Variants in WDR31 observed in about 807,000 individuals in gnomAD.
The protein encoded by WDR31 is WD repeat-containing protein 31.
A neutral mutation model predicts 47.3 loss-of-function variants in WDR31; 30 were observed. That is an observed-to-expected ratio of 0.63 (90% confidence interval 0.47 to 0.86). The LOEUF (loss-of-function observed/expected upper bound fraction) is 0.86. Ranked by LOEUF, WDR31 falls within the 40% of genes least tolerant of loss-of-function variation. WDR31 has a pLI of 0.00. For synonymous variants in WDR31, 137 were observed against 159.4 expected (o/e 0.86, Z 1.06); for missense variants, 406 against 442.9 (o/e 0.92, Z 0.75).
In WDR31 at chr9:113,316,639, C is replaced by G. The variant is rs1833207016; in HGVS notation, c.*110G>C. The G allele has an allele frequency of 2.2e-6, 3 of 1,343,002 alleles. No individual in the cohort carries two copies. The East Asian group carries it at 6.9e-5, about 31-fold the overall frequency. The allele number at this position is 1,343,002 out of a possible 1,614,324, so 83.2% of individuals were successfully genotyped here. A position where few individuals can be genotyped will look rare whatever the true frequency, so the allele number is the denominator to read the frequency against. On this transcript the variant is annotated 3_prime_UTR_variant, in exon 11 of 11. Coordinates refer to ENST00000374193, the MANE Select transcript of WDR31 (RefSeq NM_001012361.4). Reference sequence around the variant, plus strand: ...GATACATCTTGTAAATGAACCTAAGCAAAGAATACCAGCCCTACATCCCAC... The same window carrying G: ...GATACATCTTGTAAATGAACCTAAGGAAAGAATACCAGCCCTACATCCCAC...
chr9:113,323,062 G>T lies in WDR31; in HGVS notation c.418C>A (p.Gln140Lys). ...ACCATGGCATGGCCACACAATTGCT[G>T]CCTTGGTTGTGAGGAACCGTGCAAG... is the stretch of plus-strand genomic sequence containing the variant. ...WDLHGSSQPR[Q>K]QLCGHAMVVT... is the part of the protein sequence containing the mutation. The change falls in exon 6 of 11, where the codon CAG (glutamine) becomes AAG (lysine). Residue 140 changes from glutamine (Q) to lysine (K), a missense_variant. Transcript: ENST00000374193. 6.2e-7 allele frequency: 1 copy of T among 1,614,208 alleles called. No individual in the cohort carries two copies. Among genetic ancestry groups the T allele is most frequent in the Non-Finnish European group, 8.5e-7 (1 of 1,180,040 alleles).
intron 5 of WDR31, among the ~76,000 whole-genome samples, chr9:113,325,612 A>G (rs1833443597): frequency 6.6e-6 from 1 of 151,284 alleles, no homozygotes; most frequent in African/African-American, 2.4e-5. Context: ...CCTGTAAGGA[A>G]AATTTTTTTT....
At chr9:113,317,103 A>G (rs528534527) in intron 10 of WDR31, among the ~76,000 whole-genome samples, 194 bp from the exon 11 acceptor site, 5 of 152,382 alleles carry the variant, frequency 3.3e-5, no homozygotes, top group African/African-American at 1.2e-4. Context: ...TCAATGGTAG[A>G]GAATGGCACA....
intron 8 of WDR31, 145 bp from the exon 9 acceptor site, chr9:113,320,643 T>A (rs1773670077): frequency 1.1e-5 from 11 of 1,023,220 alleles, no homozygotes; most frequent in Non-Finnish European, 1.4e-5. Flanking sequence ...AACGGCAGCA[T>A]GAACCAGATC....
chr9:113,320,245 A>C, intron 9 of WDR31, 112 bp downstream of exon 9: 1 of 1,360,220 alleles, frequency 7.4e-7, no homozygotes, highest in Non-Finnish European at 1.0e-6. Flanking sequence ...CTTTTGAAAG[A>C]GGCCTGAGCC....
Position 113,318,833 on chromosome 9 carries a change from T to C in WDR31, c.781-196A>G, listed in dbSNP as rs1833267349. On this transcript the variant is annotated intron_variant, in intron 9 of 10. Transcript: ENST00000374193. ...AATGACCCATCCATCCAGTGATTAT[T>C]TTAAGCCTCAACTATGTCTCAAACA... Among the ~76,000 whole-genome samples, 3 of 152,202 alleles carry C rather than the reference T, an allele frequency of 2.0e-5. No individual in the cohort carries two copies. In the South Asian group the frequency reaches 6.2e-4, roughly 32 times the overall value.
chr9:113,324,828 ATGTGTGTGTGTGTGTGTGTGTGTGTG>A (rs57088850), intron 5 of WDR31, among the ~76,000 whole-genome samples: 16 of 138,108 alleles, frequency 1.2e-4, no homozygotes, highest in East Asian at 6.7e-4. Flanking sequence ...ATATATATAT[ATGTGTGTGTGTGTGTGTGTGTGTGTG>A]TGTGTGTGTG....
At chr9:113,325,752 A>C (rs1303717851) in intron 5 of WDR31, among the ~76,000 whole-genome samples, 1 of 152,036 alleles carries the variant, frequency 6.6e-6, no homozygotes, top group Admixed American at 6.5e-5. Flanking sequence ...TTTTAAAAGA[A>C]TTAAAACAAT....
chr9:113,329,038 C>T (rs905474410), intron 4 of WDR31, 83 bp from the exon 5 acceptor site: 6 of 1,274,984 alleles, frequency 4.7e-6, no homozygotes, highest in Non-Finnish European at 6.9e-6. Context: ...ACCTTACTTT[C>T]TCCCTCCTCA....
At position 113,335,783 on chromosome 9, in the gene WDR31, C is replaced by A. The variant is rs184800454; in HGVS notation, c.-29+505G>T. ...TTATGTGTCCTTGAGTAGCTCCATT[C>A]CCCACTCTGGCCTCAGCCTCCCCAG... On this transcript the variant is annotated intron_variant, in intron 2 of 10. Transcript: ENST00000374193. Among the ~76,000 whole-genome samples the A allele has an allele frequency of 1.2e-4, 18 of 152,298 alleles. No homozygotes were observed. In the East Asian group the frequency reaches 3.5e-3, roughly 29 times the overall value.
chr9:113,324,026 TTTC>T (rs1833393563), intron 5 of WDR31, among the ~76,000 whole-genome samples: 3 of 147,296 alleles, frequency 2.0e-5, no homozygotes, highest in African/African-American at 4.8e-5. Flanking sequence ...TTCCATCGTG[TTTC>T]TTTTTTTTTG....
At chr9:113,332,483 C>T (rs186991128) in intron 2 of WDR31, among the ~76,000 whole-genome samples, 46 of 152,274 alleles carry the variant, frequency 3.0e-4, no homozygotes, top group African/African-American at 1.1e-3. Flanking sequence ...ATGAAGTACT[C>T]GTACATACTA....
At chr9:113,336,006 T>A (rs1168793457) in intron 2 of WDR31, among the ~76,000 whole-genome samples, 1 of 152,242 alleles carries the variant, frequency 6.6e-6, no homozygotes, top group East Asian at 1.9e-4. Flanking sequence ...CAAGATGTGC[T>A]GAGAGGCAAA....
chr9:113,331,831 G>A, intron 3 of WDR31, 76 bp downstream of exon 3: 1 of 1,368,854 alleles, frequency 7.3e-7, no homozygotes, highest in Admixed American at 1.8e-5. Flanking sequence ...CATTCGCCCT[G>A]GGCCTTCTCT....
chr9:113,336,358 T>C lies in WDR31; in HGVS notation c.-99A>G, dbSNP rs963973742. On this transcript the variant is annotated 5_prime_UTR_variant, in exon 2 of 11. Coordinates refer to ENST00000374193, the MANE Select transcript of WDR31 (RefSeq NM_001012361.4). Reference sequence around the variant, plus strand: ...TTTGTAATGTGTATCCTTTGGAAAATAGTTCAGGCAGCCACTTCTTAATCT... The same window carrying C: ...TTTGTAATGTGTATCCTTTGGAAAACAGTTCAGGCAGCCACTTCTTAATCT... The C allele has an allele frequency of 3.3e-5, 5 of 152,186 alleles. No homozygotes were observed. The highest frequency in any genetic ancestry group is 6.5e-5 in the Admixed American group (1 of 15,272). 9.4% of individuals were successfully genotyped at this position (152,186 alleles called of 1,614,324 possible). A position where few individuals can be genotyped will look rare whatever the true frequency, so the allele number is the denominator to read the frequency against.
At position 113,314,208 on chromosome 9, in the gene WDR31, ATTTT is replaced by A. The variant is rs1370638482; in HGVS notation, c.*2537_*2540del. ...TCAAGGAATGGTAAACGTTTATTTT[ATTTT>A]ATTTTATTTTATTTTATTTTGAGAT... is the stretch of plus-strand genomic sequence containing the variant. On this transcript the variant is annotated 3_prime_UTR_variant, in exon 11 of 11. Coordinates refer to ENST00000374193, the MANE Select transcript of WDR31 (RefSeq NM_001012361.4). The A allele has an allele frequency of 7.1e-6, 1 of 139,862 alleles. No individual in the cohort carries two copies. The highest frequency in any genetic ancestry group is 1.5e-5 in the Non-Finnish European group (1 of 65,248). 8.7% of individuals were successfully genotyped at this position (139,862 alleles called of 1,614,324 possible).
intron 5 of WDR31, among the ~76,000 whole-genome samples, chr9:113,324,205 A>G (rs1287149145): frequency 6.6e-6 from 1 of 151,312 alleles, no homozygotes; most frequent in Non-Finnish European, 1.5e-5. Flanking sequence ...ATTACTCTCC[A>G]TTTTCCTCTC....
intron 9 of WDR31, 79 bp from the exon 10 acceptor site, chr9:113,318,716 T>C: frequency 6.7e-7 from 1 of 1,490,346 alleles, no homozygotes. Flanking sequence ...CCTACCCCCA[T>C]GATGCACCTA....
intron 9 of WDR31, 109 bp downstream of exon 9, chr9:113,320,248 C>G: frequency 7.1e-7 from 1 of 1,407,948 alleles, no homozygotes. Flanking sequence ...TTGAAAGAGG[C>G]CTGAGCCATT....
Sources: gnomAD v4.1 joint callset for allele counts (sites outside exome capture counted in the v4.1 genomes callset) on GRCh38, gnomAD v4.1.1 for gene constraint, MANE v1.5 for transcripts, NCBI Gene and HGNC (gene_info 2026-07-23, HGNC 2026-07-21) for gene names.